AUTS2: variants seen among roughly 807,000 people sequenced by gnomAD.
The protein encoded by AUTS2 is activator of transcription and developmental regulator AUTS2.
Under a neutral mutation model 112.4 loss-of-function variants are expected in AUTS2, and 17 were observed. That is an observed-to-expected ratio of 0.15 (90% confidence interval 0.10 to 0.23). The LOEUF (loss-of-function observed/expected upper bound fraction) is 0.23. Ranked by LOEUF, AUTS2 falls within the 10% of genes least tolerant of loss-of-function variation. The pLI is 1.00. For synonymous variants in AUTS2, 751 were observed against 702.7 expected (o/e 1.07, Z -1.09); for missense variants, 1,510 against 1,701.6 (o/e 0.89, Z 1.98).
intron 1 of AUTS2, among the ~76,000 whole-genome samples, chr7:69,639,464 G>A (rs990680021): frequency 2.6e-5 from 4 of 152,168 alleles, no homozygotes; most frequent in African/African-American, 7.2e-5. Context: ...TTTGCAGATG[G>A]GGAAAGAATT....
chr7:69,710,544 G>C (rs1798268610), intron 1 of AUTS2, among the ~76,000 whole-genome samples: 1 of 152,162 alleles, frequency 6.6e-6, no homozygotes, highest in Non-Finnish European at 1.5e-5. Context: ...AGCAACCACA[G>C]GTTTTTACAA....
At chr7:70,077,441 T>C (rs543309877) in intron 2 of AUTS2, among the ~76,000 whole-genome samples, 4 of 152,338 alleles carry the variant, frequency 2.6e-5, no homozygotes, top group South Asian at 4.1e-4. Flanking sequence ...TCTGTACCTG[T>C]CATCTTTATG....
intron 4 of AUTS2, among the ~76,000 whole-genome samples, chr7:70,146,298 G>A (rs1045779760): frequency 7.4e-5 from 11 of 149,360 alleles, no homozygotes; most frequent in Admixed American, 4.7e-4. Context: ...TTTTCCTGCT[G>A]TGATGTGTAC....
chr7:70,777,123 T>A lies in AUTS2; in HGVS notation c.1953T>A (p.Ala651=), dbSNP rs774875301. The A allele has an allele frequency of 1.9e-6, 3 of 1,614,132 alleles. 1 individual carries two copies. In the South Asian group the frequency reaches 3.3e-5, roughly 18 times the overall value. The stretch of plus-strand genomic sequence containing the variant: ...TCCAGAAACCAGGGAAGTGGTGTGC[T>A]ATGCATGTTCACATCGCCTGGCAGA... The part of the protein sequence containing the change: ...PMLRKPGKWC[A]MHVHIAWQIY... Residue 651 remains alanine (A), a synonymous_variant, in exon 14 of 19, where the codon GCT becomes GCA. Transcript: ENST00000342771.
chr7:69,727,000 C>T (rs1786549098), intron 1 of AUTS2, among the ~76,000 whole-genome samples: 1 of 152,092 alleles, frequency 6.6e-6, no homozygotes. Context: ...TTTGGATAAG[C>T]AGAATTTTTT....
Position 69,899,457 on chromosome 7 carries a change from C to T in AUTS2, c.481C>T (p.His161Tyr). 8.1e-6 allele frequency: 13 copies of T among 1,613,988 alleles called. No individual in the cohort carries two copies. Among genetic ancestry groups the T allele is most frequent in the Non-Finnish European group, 1.0e-5 (12 of 1,179,876 alleles). Residue 161 changes from histidine to tyrosine, a missense_variant, in exon 2 of 19, where the codon CAC (histidine) becomes TAC (tyrosine). By Grantham distance (83) the His-to-Tyr change is moderately conservative. This residue lies in a region of AUTS2 where 535 missense variants were observed against 594.3 expected (regional missense o/e 0.90). Transcript: ENST00000342771. ...DRENDRNLCQ[H>Y]LGKRKKMPKA... Reference sequence around the variant, plus strand: ...AGAAAATGACCGCAATCTCTGCCAGCACCTTGGGAAGAGAAAGAAAATGCC... The same window carrying T: ...AGAAAATGACCGCAATCTCTGCCAGTACCTTGGGAAGAGAAAGAAAATGCC...
intron 2 of AUTS2, among the ~76,000 whole-genome samples, chr7:70,083,753 C>A (rs1483553838): frequency 6.6e-6 from 1 of 151,998 alleles, no homozygotes; most frequent in Non-Finnish European, 1.5e-5. Context: ...TCAAGATGAG[C>A]CTGGGCAACA....
chr7:70,000,971 G>C (rs1799165905), intron 2 of AUTS2, among the ~76,000 whole-genome samples: 2 of 152,172 alleles, frequency 1.3e-5, no homozygotes, highest in Non-Finnish European at 2.9e-5. Context: ...CCTTCTGCCA[G>C]GATGGTTCTG....
At chr7:70,350,845 T>G (rs893266829) in intron 4 of AUTS2, among the ~76,000 whole-genome samples, 2 of 152,316 alleles carry the variant, frequency 1.3e-5, no homozygotes, top group East Asian at 1.9e-4. Context: ...TGCAAGTTTC[T>G]GCTCTTTGAC....
intron 1 of AUTS2, among the ~76,000 whole-genome samples, chr7:69,869,163 A>C (rs930822015): frequency 6.6e-6 from 1 of 152,172 alleles, no homozygotes. Context: ...TGGAAATGAC[A>C]TTCTGCACAA....
chr7:70,308,087 T>C (rs1789568721), intron 4 of AUTS2, among the ~76,000 whole-genome samples: 2 of 152,228 alleles, frequency 1.3e-5, no homozygotes, highest in South Asian at 4.1e-4. Context: ...AAACTTACAT[T>C]GTTTCTCTCA....
chr7:70,453,314 C>T (rs1796606103), intron 5 of AUTS2, among the ~76,000 whole-genome samples: 1 of 152,226 alleles, frequency 6.6e-6, no homozygotes, highest in Non-Finnish European at 1.5e-5. Flanking sequence ...CCAGAAAACA[C>T]ACTTTCTAGT....
intron 4 of AUTS2, among the ~76,000 whole-genome samples, chr7:70,300,385 A>G (rs1789155725): frequency 6.6e-6 from 1 of 152,194 alleles, no homozygotes; most frequent in African/African-American, 2.4e-5. Context: ...TATTTAATGT[A>G]TCTCCTTTTC....
At chr7:70,534,257 A>G (rs575674705) in intron 5 of AUTS2, among the ~76,000 whole-genome samples, 2 of 152,058 alleles carry the variant, frequency 1.3e-5, no homozygotes, top group Admixed American at 6.5e-5. Flanking sequence ...CTCTTTTACA[A>G]TCCCTGTACT....
chr7:69,923,713 T>A (rs1795902207), intron 2 of AUTS2, among the ~76,000 whole-genome samples: 2 of 152,238 alleles, frequency 1.3e-5, no homozygotes, highest in African/African-American at 4.8e-5. Flanking sequence ...TTTGATGCAG[T>A]ATTAAATGGT....
chr7:70,784,947 G>A lies in AUTS2; in HGVS notation c.2152G>A (p.Ala718Thr), dbSNP rs1238687698. The A allele has an allele frequency of 1.2e-6, 2 of 1,614,002 alleles. No homozygotes were observed. Among genetic ancestry groups the A allele is most frequent in the Non-Finnish European group, 1.7e-6 (2 of 1,179,976 alleles). The change falls in exon 16 of 19, where the codon GCA (alanine) becomes ACA (threonine). Residue 718 changes from alanine (A) to threonine (T), a missense_variant. Ala to Thr is a moderately conservative substitution (Grantham distance 58, BLOSUM62 0). Around this residue, in one of 3 missense-constraint regions of AUTS2, gnomAD observed 788 missense variants for 797.6 expected, o/e 0.99. Coordinates refer to ENST00000342771, the MANE Select transcript of AUTS2 (RefSeq NM_015570.4). ...CGTTATGTTTGACTTAACAGGTGCT[G>A]CACACCCAACTGGGACCCCTTTTGG... Reference protein sequence around the residue: ...PSTLFSAAGAAHPTGTPFGPP... With the variant: ...PSTLFSAAGATHPTGTPFGPP...
chr7:70,481,324 T>C lies in AUTS2; in HGVS notation c.690+45543T>C, dbSNP rs1382160691. Among the ~76,000 whole-genome samples, 4 of 152,336 alleles carry C rather than the reference T, an allele frequency of 2.6e-5. No homozygotes were observed. In the East Asian group the frequency reaches 5.8e-4, roughly 22 times the overall value. On this transcript the variant is annotated intron_variant, in intron 5 of 18. Coordinates refer to ENST00000342771, the MANE Select transcript of AUTS2 (RefSeq NM_015570.4). The stretch of plus-strand genomic sequence containing the variant: ...CCGAAGTTGGTGCTTTCATTGAACG[T>C]CCATGTTCTGACATGAATAAATGCC...
intron 4 of AUTS2, among the ~76,000 whole-genome samples, chr7:70,376,265 G>T (rs1052573690): frequency 1.3e-5 from 2 of 152,058 alleles, no homozygotes; most frequent in African/African-American, 2.4e-5. Flanking sequence ...TAAACACATT[G>T]CTTAATTCCT....
At chr7:70,643,958 C>T (rs748099097) in intron 5 of AUTS2, among the ~76,000 whole-genome samples, 2 of 152,100 alleles carry the variant, frequency 1.3e-5, no homozygotes, top group Non-Finnish European at 2.9e-5. Flanking sequence ...CTGGCTCGCC[C>T]CACCTACCAT....
Sources: allele counts gnomAD v4.1 joint callset (sites outside exome capture counted in the v4.1 genomes callset), GRCh38; gene constraint gnomAD v4.1.1; regional missense constraint gnomAD v4.1.1; transcripts MANE v1.5; gene names NCBI Gene and HGNC (gene_info 2026-07-23, HGNC 2026-07-21).